Variants in GRID1 observed in about 807,000 individuals in gnomAD.
GRID1 encodes glutamate receptor ionotropic, delta-1.
In GRID1, 28 loss-of-function variants were observed where a neutral mutation model predicts 98.0. The observed-to-expected ratio is 0.29, with a 90% CI of 0.21 to 0.39. The LOEUF is 0.39. Ranked by LOEUF, GRID1 falls within the 10% of genes least tolerant of loss-of-function variation. GRID1 has a pLI of 1.00. For synonymous variants in GRID1, 553 were observed against 538.5 expected, an observed-to-expected ratio of 1.03 and a Z score of -0.37; for missense variants, 1,111 against 1,340.5, an observed-to-expected ratio of 0.83 and a Z score of 2.67.
intron 3 of GRID1, among the ~76,000 whole-genome samples, chr10:86,144,116 C>G (rs767454909): frequency 9.9e-5 from 15 of 152,148 alleles, no homozygotes; most frequent in Non-Finnish European, 1.9e-4. Context: ...TATCGCAGAA[C>G]TTAACATTTC....
At chr10:85,720,303 A>G (rs1204166481) in intron 12 of GRID1, among the ~76,000 whole-genome samples, 1 of 152,112 alleles carries the variant, frequency 6.6e-6, no homozygotes, top group African/African-American at 2.4e-5. Context: ...GATAATTTTG[A>G]AAATAACAAA....
intron 12 of GRID1, among the ~76,000 whole-genome samples, chr10:85,696,077 G>A (rs986672308): frequency 6.6e-6 from 1 of 152,070 alleles, no homozygotes; most frequent in African/African-American, 2.4e-5. Flanking sequence ...GCACAAGTCT[G>A]CCTTTAGTAA....
intron 3 of GRID1, among the ~76,000 whole-genome samples, chr10:86,168,397 G>A (rs1845432373): frequency 6.6e-6 from 1 of 152,202 alleles, no homozygotes. Flanking sequence ...CCGCCCTCGT[G>A]CACTGCACTG....
In GRID1 at chr10:86,206,692, G is replaced by A. The variant is rs767060238; in HGVS notation, c.236-44C>T. 1.3e-5 allele frequency: 20 copies of A among 1,558,616 alleles called. No individual in the cohort carries two copies. The highest frequency in any genetic ancestry group is 1.7e-5 in the Admixed American group (1 of 57,992). ...GAGAGGAAGGGGTCAGCATCAGGGCGATGCTGCACCAGCTTCAACCTGCAG... is the reference window on the plus strand; with the variant it reads ...GAGAGGAAGGGGTCAGCATCAGGGCAATGCTGCACCAGCTTCAACCTGCAG... On this transcript the variant is annotated intron_variant, in intron 2 of 15. Coordinates refer to ENST00000327946, the MANE Select transcript of GRID1 (RefSeq NM_017551.3). The surrounding 1 kb of genome is among the most constrained non-coding windows in gnomAD (Gnocchi z 4.1).
intron 2 of GRID1, among the ~76,000 whole-genome samples, chr10:86,297,016 A>C (rs1162987536): frequency 2.0e-5 from 3 of 152,230 alleles, no homozygotes; most frequent in Non-Finnish European, 4.4e-5. Context: ...GGCTTGAATA[A>C]ATAGAGAAAA....
At chr10:85,819,804 C>T (rs564327260) in intron 8 of GRID1, among the ~76,000 whole-genome samples, 329 of 152,132 alleles carry the variant, frequency 2.2e-3, no homozygotes, top group Non-Finnish European at 4.0e-3. Context: ...ATCCCAGCTA[C>T]TCGAGAGGCT....
chr10:85,818,216 C>A (rs1482442173), intron 8 of GRID1, among the ~76,000 whole-genome samples: 4 of 152,126 alleles, frequency 2.6e-5, no homozygotes, highest in Non-Finnish European at 4.4e-5. Flanking sequence ...TAGAATGAAT[C>A]CTTCCTGATG....
At chr10:86,037,868 G>A (rs775351177) in intron 4 of GRID1, among the ~76,000 whole-genome samples, 2 of 152,034 alleles carry the variant, frequency 1.3e-5, no homozygotes, top group African/African-American at 2.4e-5. Flanking sequence ...TGGGCTGAAT[G>A]TGTCCCCCCA....
At chr10:85,876,970 C>T (rs200270622) in intron 5 of GRID1, among the ~76,000 whole-genome samples, 2 of 152,214 alleles carry the variant, frequency 1.3e-5, no homozygotes, top group African/African-American at 2.4e-5. Context: ...GCACCTGGCT[C>T]GGAGGGTCCT....
chr10:85,806,346 A>G (rs922386489), intron 8 of GRID1, among the ~76,000 whole-genome samples: 2 of 152,158 alleles, frequency 1.3e-5, no homozygotes, highest in Admixed American at 6.5e-5. Flanking sequence ...GAAATTCCAT[A>G]TATTTCTGGT....
chr10:85,725,094 G>C (rs1468998777), intron 10 of GRID1, among the ~76,000 whole-genome samples: 3 of 151,696 alleles, frequency 2.0e-5, no homozygotes, highest in Non-Finnish European at 4.4e-5. Context: ...GTTAAGACCA[G>C]AGGCACACTC....
rs1439391183 is a variant in GRID1, at chr10:85,749,786, C to G, written c.1234-20172G>C. ...CTCTCCTTCTGGAAACATTTTCACCCTAGAACTACTCTTAATAGACTTCTT... is the reference window on the plus strand; with the variant it reads ...CTCTCCTTCTGGAAACATTTTCACCGTAGAACTACTCTTAATAGACTTCTT... On this transcript the variant is annotated intron_variant, in intron 8 of 15. Coordinates refer to ENST00000327946, the MANE Select transcript of GRID1 (RefSeq NM_017551.3). Among the ~76,000 whole-genome samples the G allele has an allele frequency of 7.2e-5, 11 of 152,256 alleles. No homozygotes were observed. In the East Asian group the frequency reaches 1.9e-3, roughly 27 times the overall value.
At chr10:85,777,191 A>G (rs1470779269) in intron 8 of GRID1, among the ~76,000 whole-genome samples, 1 of 152,084 alleles carries the variant, frequency 6.6e-6, no homozygotes. Flanking sequence ...GGGCATCTAA[A>G]TCAGGGAGGT....
intron 12 of GRID1, among the ~76,000 whole-genome samples, chr10:85,665,221 G>T (rs1211607505): frequency 6.6e-6 from 1 of 151,950 alleles, no homozygotes. Context: ...ACAGCCCCAG[G>T]GTCACACCTG....
chr10:85,822,965 A>C lies in GRID1; in HGVS notation c.1233+31531T>G, dbSNP rs192082624. Among the ~76,000 whole-genome samples, 882 of 152,256 alleles carry C rather than the reference A, an allele frequency of 5.8e-3. 7 individuals carry two copies. Among genetic ancestry groups the C allele is most frequent in the African/African-American group, 0.02 (828 of 41,536 alleles). ...AAAAAACCAAACACCATATGTTCTC[A>C]CTCATAGGTGGGAACTGAATAATGA... On this transcript the variant is annotated intron_variant, in intron 8 of 15. Coordinates refer to ENST00000327946, the MANE Select transcript of GRID1 (RefSeq NM_017551.3).
chr10:86,154,496 A>G (rs1354158918), intron 3 of GRID1, among the ~76,000 whole-genome samples: 1 of 152,052 alleles, frequency 6.6e-6, no homozygotes, highest in Admixed American at 6.5e-5. Flanking sequence ...GGTCTCCAGA[A>G]GGGCCCCCGG....
intron 2 of GRID1, among the ~76,000 whole-genome samples, chr10:86,289,482 C>A (rs1186269615): frequency 6.6e-6 from 1 of 151,992 alleles, no homozygotes; most frequent in Non-Finnish European, 1.5e-5. Context: ...TTCCAGGGAA[C>A]CCAGGATGCT....
chr10:85,978,069 A>T (rs190232845), intron 4 of GRID1, among the ~76,000 whole-genome samples: 87 of 152,320 alleles, frequency 5.7e-4, no homozygotes, highest in Non-Finnish European at 9.7e-4. Flanking sequence ...GGATCCTCAC[A>T]TACCTGGGTT....
At chr10:86,118,200 G>A (rs1487637577) in intron 4 of GRID1, among the ~76,000 whole-genome samples, 1 of 152,194 alleles carries the variant, frequency 6.6e-6, no homozygotes, top group Non-Finnish European at 1.5e-5. Flanking sequence ...GATGGAACTG[G>A]AGACTGTTAT....
Sources: gnomAD v4.1 joint callset for allele counts (sites outside exome capture counted in the v4.1 genomes callset) on GRCh38, gnomAD v4.1.1 for gene constraint, Gnocchi (gnomAD v3.1) non-coding constraint, MANE v1.5 for transcripts, NCBI Gene and HGNC (gene_info 2026-07-23, HGNC 2026-07-21) for gene names.